The following ZNF638 variants were observed in gnomAD, a reference collection of about 807,000 sequenced individuals.
The protein encoded by ZNF638 is CTCL tumor antigen se33-1.
In ZNF638, 46 loss-of-function variants were observed where a neutral mutation model predicts 195.6. That is an observed-to-expected ratio of 0.24 (90% CI 0.19 to 0.30). ZNF638 has a LOEUF of 0.30. Ranked by LOEUF, ZNF638 falls within the 10% of genes least tolerant of loss-of-function variation. The probability of loss-of-function intolerance (pLI) is 1.00; values close to 1 mark genes in which losing one functional copy is unlikely to be tolerated. For missense variants in ZNF638, 2,440 were observed against 2,325.3 expected, an observed-to-expected ratio of 1.05 and a Z score of -1.01; for synonymous variants, 845 against 772.0, an observed-to-expected ratio of 1.09 and a Z score of -1.57.
intron 10 of ZNF638, among the ~76,000 whole-genome samples, chr2:71,391,169 C>G (rs1008740842): frequency 2.0e-5 from 3 of 152,206 alleles, no homozygotes; most frequent in East Asian, 3.9e-4. Context: ...TGGGGACTTG[C>G]ATGACTTACG....
rs1366150750 is a variant in ZNF638 at position 71,426,890 on chromosome 2, T to A, written c.5021T>A (p.Leu1674His). ...CTGTCAGTGGCTGAAGAACAAGATCTCCTCAAACAGGAACGCTTGGTAACT... is the reference window on the plus strand; with the variant it reads ...CTGTCAGTGGCTGAAGAACAAGATCACCTCAAACAGGAACGCTTGGTAACT... ...TVLSVAEEQDLLKQERLVTVD... is the reference protein window; with the variant it reads ...TVLSVAEEQDHLKQERLVTVD... Residue 1674 changes from leucine to histidine, a missense_variant, in exon 24 of 28, where the codon CTC (leucine) becomes CAC (histidine). Physicochemically the swap from Leu to His is moderately conservative, Grantham distance 99. Around this residue, in one of 5 missense-constraint regions of ZNF638, gnomAD observed 1,883 missense variants for 1,739.1 expected, o/e 1.08. Transcript: ENST00000264447. The A allele has an allele frequency of 5.0e-6, 8 of 1,614,164 alleles. No homozygotes were observed. Among genetic ancestry groups the A allele is most frequent in the Non-Finnish European group, 6.8e-6 (8 of 1,180,012 alleles).
rs1286068426 is a variant in ZNF638 at position 71,363,962 on chromosome 2, G to A, written c.1427G>A (p.Gly476Asp). The change falls in exon 5 of 28, where the codon GGC (glycine) becomes GAC (aspartate). Residue 476 changes from glycine (G) to aspartate (D), a missense_variant. Physicochemically the swap from Gly to Asp is moderately conservative, Grantham distance 94. Coordinates refer to ENST00000264447, the MANE Select transcript of ZNF638 (RefSeq NM_014497.5). ...CGCCCCCCTGCTTGTAGAAATGAGGGCAATAGAAAAGAAAATGAAACTCCA... is the reference window on the plus strand; with the variant it reads ...CGCCCCCCTGCTTGTAGAAATGAGGACAATAGAAAAGAAAATGAAACTCCA... ...PEILPSRRNEGNRKENETPRR... is the reference protein window; with the variant it reads ...PEILPSRRNEDNRKENETPRR... 7.4e-6 allele frequency: 12 copies of A among 1,611,464 alleles called. No individual in the cohort carries two copies. In the Admixed American group the frequency reaches 1.2e-4, roughly 16 times the overall value.
chr2:71,420,311 G>A (rs925487610), intron 21 of ZNF638, among the ~76,000 whole-genome samples: 6 of 151,294 alleles, frequency 4.0e-5, no homozygotes, highest in Middle Eastern at 3.4e-3. Flanking sequence ...GAGGAAACTC[G>A]TGGATACATT....
Position 71,426,789 on chromosome 2 carries a change from T to A in ZNF638, c.4920T>A (p.Asn1640Lys). 6.2e-7 allele frequency: 1 copy of A among 1,613,206 alleles called. No homozygotes were observed. The highest frequency in any genetic ancestry group is 8.5e-7 in the Non-Finnish European group (1 of 1,179,550). ...LNMEEMVKNS[N>K]SLFTLDELID... ...TGGAAGAAATGGTAAAAAATTCAAATTCACTTTTTACATTAGATGAATTAA... is the reference window on the plus strand; with the variant it reads ...TGGAAGAAATGGTAAAAAATTCAAAATCACTTTTTACATTAGATGAATTAA... The change falls in exon 24 of 28, where the codon AAT becomes AAA. Residue 1640 changes from asparagine (N) to lysine (K), a missense_variant. Coordinates refer to ENST00000264447, the MANE Select transcript of ZNF638 (RefSeq NM_014497.5).
rs1257931410 is a variant in ZNF638 at position 71,423,318 on chromosome 2, T to A, written c.3804T>A (p.Asn1268Lys). 1.2e-6 allele frequency: 2 copies of A among 1,613,576 alleles called. No individual in the cohort carries two copies. The highest frequency in any genetic ancestry group is 1.1e-5 in the South Asian group (1 of 91,066). Residue 1268 changes from asparagine to lysine, a missense_variant, in exon 22 of 28, where the codon AAT (asparagine) becomes AAA (lysine). Physicochemically the swap from Asn to Lys is moderately conservative, Grantham distance 94. Coordinates refer to ENST00000264447, the MANE Select transcript of ZNF638 (RefSeq NM_014497.5). The stretch of plus-strand genomic sequence containing the variant: ...AAGCTGTAGCTGAAGTAGAAAAAAA[T>A]GAAACTGTTTCGGAAATATTGCCAT... ...MVEAVAEVEKNETVSEILPST... is the reference protein window; with the variant it reads ...MVEAVAEVEKKETVSEILPST...
chr2:71,343,224 G>T (rs913226428), intron 1 of ZNF638, among the ~76,000 whole-genome samples: 1 of 152,078 alleles, frequency 6.6e-6, no homozygotes, highest in Non-Finnish European at 1.5e-5. Flanking sequence ...TTTGGCTATA[G>T]GAACGCAACT....
At chr2:71,339,947 T>C (rs146505702) in intron 1 of ZNF638, among the ~76,000 whole-genome samples, 1,931 of 152,304 alleles carry the variant, frequency 0.013, 37 homozygotes, top group African/African-American at 0.041. Flanking sequence ...CGTATGCAGG[T>C]CACATGCTCC....
Position 71,349,508 on chromosome 2 carries a change from G to T in ZNF638, c.554G>T (p.Arg185Leu). Residue 185 changes from arginine (R) to leucine (L), a missense_variant, in exon 2 of 28, where the codon CGA (arginine) becomes CTA (leucine). Arg to Leu is a moderately radical substitution (Grantham distance 102). This residue lies in a region of ZNF638 where 305 missense variants were observed against 283.6 expected (regional missense o/e 1.08). Transcript: ENST00000264447. ...ATAAGAATGCGAAAAATGGGGCGCCGATTACCTAATTTACCTTCTCAGAGC... is the reference window on the plus strand; with the variant it reads ...ATAAGAATGCGAAAAATGGGGCGCCTATTACCTAATTTACCTTCTCAGAGC... Reference protein sequence around the residue: ...RDIRMRKMGRRLPNLPSQSRN... With the variant: ...RDIRMRKMGRLLPNLPSQSRN... The T allele has an allele frequency of 6.2e-7, 1 of 1,614,104 alleles. No homozygotes were observed. The highest frequency in any genetic ancestry group is 8.5e-7 in the Non-Finnish European group (1 of 1,180,034).
At chr2:71,344,045 G>A (rs962923914) in intron 1 of ZNF638, among the ~76,000 whole-genome samples, 3 of 152,200 alleles carry the variant, frequency 2.0e-5, no homozygotes, top group Admixed American at 1.3e-4. Context: ...CAGGAGAATT[G>A]CTTGAACCTG....
At chr2:71,397,924 T>A (rs1308182847) in intron 11 of ZNF638, among the ~76,000 whole-genome samples, 1 of 152,180 alleles carries the variant, frequency 6.6e-6, no homozygotes, top group African/African-American at 2.4e-5. Flanking sequence ...AAAACAATCT[T>A]TATATGACCT....
chr2:71,389,122 C>G (rs371354449), intron 10 of ZNF638, among the ~76,000 whole-genome samples: 2 of 152,278 alleles, frequency 1.3e-5, no homozygotes, highest in East Asian at 3.9e-4. Flanking sequence ...TTACCGCCGC[C>G]TCCTCTTCCC....
chr2:71,362,281 T>A (rs1404717633), intron 3 of ZNF638, among the ~76,000 whole-genome samples: 1 of 152,208 alleles, frequency 6.6e-6, no homozygotes, highest in Non-Finnish European at 1.5e-5. Context: ...AAACTTCATC[T>A]TGTGTTAGTC....
intron 1 of ZNF638, among the ~76,000 whole-genome samples, chr2:71,336,800 C>T (rs182781888): frequency 6.6e-6 from 1 of 152,214 alleles, no homozygotes; most frequent in Admixed American, 6.5e-5. Flanking sequence ...AGCAGCAGGA[C>T]CAGAGTTAAA....
chr2:71,331,831 G>C lies in ZNF638; in HGVS notation c.-247G>C. 1.0e-6 allele frequency: 1 copy of C among 986,272 alleles called. No individual in the cohort carries two copies. The highest frequency in any genetic ancestry group is 4.7e-5 in the South Asian group (1 of 21,302). The allele number at this position is 986,272 out of a possible 1,614,324, so 61.1% of individuals were successfully genotyped here. On this transcript the variant is annotated 5_prime_UTR_variant, in exon 1 of 28. Coordinates refer to ENST00000264447, the MANE Select transcript of ZNF638 (RefSeq NM_014497.5). ...GAGACTGGAGGCTGAGTGCTAAACT[G>C]TGTGGGGCGCGGATGGGATCCAGCT...
chr2:71,348,360 T>A, intron 1 of ZNF638: 1 of 950,674 alleles, frequency 1.1e-6, no homozygotes, highest in Non-Finnish European at 1.3e-6. Flanking sequence ...TTTGTATATC[T>A]GATAACATGC....
chr2:71,408,272 T>G, intron 20 of ZNF638, 25 bp downstream of exon 20: 12 of 1,603,044 alleles, frequency 7.5e-6, no homozygotes, highest in Non-Finnish European at 1.0e-5. Context: ...TCTTCAGCTT[T>G]TGTGATTTTA....
At position 71,401,945 on chromosome 2, in the gene ZNF638, T is replaced by C; in HGVS notation, c.2698-11T>C. On this transcript the variant is annotated splice_polypyrimidine_tract_variant and intron_variant, in intron 15 of 27. Transcript: ENST00000264447. ...AATTTTAATAACAGGTTTTAAAAAT[T>C]TGTTTTGAAGGAAACAGAAGAAATG... is the stretch of plus-strand genomic sequence containing the variant. 6.5e-7 allele frequency: 1 copy of C among 1,550,030 alleles called. No homozygotes were observed. The highest frequency in any genetic ancestry group is 8.7e-7 in the Non-Finnish European group (1 of 1,148,676).
chr2:71,433,134 A>T, intron 26 of ZNF638, 31 bp from the exon 27 acceptor site: 1 of 1,409,114 alleles, frequency 7.1e-7, no homozygotes, highest in Non-Finnish European at 1.0e-6. Context: ...AATTATTGTT[A>T]ATTTTCTTCT....
chr2:71,388,370 C>T (rs2079689766), intron 10 of ZNF638: 1 of 603,200 alleles, frequency 1.7e-6, no homozygotes, highest in Non-Finnish European at 3.1e-6. Flanking sequence ...GACCTTTGAT[C>T]ATCCGACCTT....
Sources: gnomAD v4.1 joint callset for allele counts (sites outside exome capture counted in the v4.1 genomes callset) on GRCh38, gnomAD v4.1.1 for gene constraint, gnomAD v4.1.1 regional missense constraint, MANE v1.5 for transcripts, NCBI Gene and HGNC (gene_info 2026-07-23, HGNC 2026-07-21) for gene names.